Variants in PAK2 observed in about 807,000 individuals in gnomAD.
PAK2 encodes the protein serine/threonine-protein kinase PAK 2.
PAK2 carries 21 observed loss-of-function variants against 65.9 expected under a neutral mutation model. The observed-to-expected ratio is 0.32, with a 90% CI of 0.23 to 0.46. The LOEUF (loss-of-function observed/expected upper bound fraction) is 0.46. Among genes scored for constraint, PAK2 ranks in the 20% least tolerant of loss-of-function variants. PAK2 has a pLI of 1.00. For missense variants in PAK2, 324 were observed against 642.6 expected (o/e 0.50, Z 5.36); for synonymous variants, 204 against 219.7 (o/e 0.93, Z 0.63).
At chr3:196,802,399 C>G (rs1444289849) in intron 3 of PAK2, among the ~76,000 whole-genome samples, 1 of 151,370 alleles carries the variant, frequency 6.6e-6, no homozygotes, top group Non-Finnish European at 1.5e-5. Context: ...GAAACTCCGT[C>G]TCAAAAAAAG....
At chr3:196,740,470 C>T (rs1713153163) in intron 1 of PAK2, among the ~76,000 whole-genome samples, 1 of 152,196 alleles carries the variant, frequency 6.6e-6, no homozygotes, top group Non-Finnish European at 1.5e-5. Context: ...TCTCGGTCTT[C>T]CCTCCCCTCG....
At chr3:196,742,815 G>T (rs1713249812) in intron 1 of PAK2, among the ~76,000 whole-genome samples, 1 of 152,210 alleles carries the variant, frequency 6.6e-6, no homozygotes, top group South Asian at 2.1e-4. Flanking sequence ...TACTCGGGAG[G>T]CTGAGGCCGG....
At chr3:196,808,390 T>A (rs9845939) in intron 7 of PAK2, among the ~76,000 whole-genome samples, 4 of 147,286 alleles carry the variant, frequency 2.7e-5, no homozygotes, top group Non-Finnish European at 4.5e-5. Flanking sequence ...GTGAAACCCC[T>A]CCTCTACTAA....
intron 1 of PAK2, among the ~76,000 whole-genome samples, chr3:196,781,870 A>C (rs1055671749): frequency 6.6e-6 from 1 of 152,204 alleles, no homozygotes; most frequent in Non-Finnish European, 1.5e-5. Flanking sequence ...GTGGGAGGCC[A>C]AGGTGGGCGG....
intron 7 of PAK2, among the ~76,000 whole-genome samples, chr3:196,809,559 G>C (rs1306243949): frequency 6.7e-6 from 1 of 150,144 alleles, no homozygotes; most frequent in Non-Finnish European, 1.5e-5. Context: ...GGCTGGGCTG[G>C]TCTCAAACTC....
intron 1 of PAK2, among the ~76,000 whole-genome samples, chr3:196,773,023 C>G (rs1714409445): frequency 2.0e-5 from 3 of 152,152 alleles, no homozygotes; most frequent in Non-Finnish European, 4.4e-5. Flanking sequence ...TTTGGGCTGA[C>G]CGGTTCCAGA....
intron 2 of PAK2, among the ~76,000 whole-genome samples, chr3:196,786,801 T>A (rs1020007392): frequency 6.6e-6 from 1 of 151,928 alleles, no homozygotes; most frequent in Non-Finnish European, 1.5e-5. Flanking sequence ...AGTAGCACCC[T>A]GTCTTGATTA....
intron 1 of PAK2, among the ~76,000 whole-genome samples, chr3:196,751,694 T>TATATATATATAAATA (rs1211217848): frequency 2.2e-5 from 1 of 45,874 alleles, no homozygotes; most frequent in Non-Finnish European, 4.4e-5. Flanking sequence ...TATATATATA[T>TATATATATATAAATA]AATTCAGGCT....
chr3:196,797,523 G>A (rs1246444821), intron 2 of PAK2, among the ~76,000 whole-genome samples: 1 of 151,916 alleles, frequency 6.6e-6, no homozygotes, highest in Non-Finnish European at 1.5e-5. Context: ...CGAGGCCGAA[G>A]TGGGTGGATC....
chr3:196,824,735 G>A (rs4629306), intron 13 of PAK2, among the ~76,000 whole-genome samples: 86,472 of 151,642 alleles, frequency 0.57, 25,335 homozygotes, highest in African/African-American at 0.69. Context: ...AGTCCCTGCT[G>A]CTTGAAAGGC....
intron 1 of PAK2, among the ~76,000 whole-genome samples, chr3:196,746,825 A>AAG (rs1265721067): frequency 2.2e-5 from 2 of 91,028 alleles, no homozygotes; most frequent in African/African-American, 4.8e-5. Flanking sequence ...AAAAAAAAAA[A>AAG]AAAAAGGATA....
intron 1 of PAK2, among the ~76,000 whole-genome samples, chr3:196,742,099 CT>C (rs60738699): frequency 0.034 from 4,351 of 128,918 alleles, 123 homozygotes; most frequent in African/African-American, 0.12. Flanking sequence ...ATTAATATTT[CT>C]TTTTTTTTTT....
chr3:196,811,066 T>G (rs1436515556), intron 8 of PAK2, among the ~76,000 whole-genome samples: 1 of 152,040 alleles, frequency 6.6e-6, no homozygotes, highest in Non-Finnish European at 1.5e-5. Flanking sequence ...GTATACTAAC[T>G]AAACTCCTTT....
At chr3:196,808,876 A>G (rs554525168) in intron 7 of PAK2, among the ~76,000 whole-genome samples, 1 of 151,838 alleles carries the variant, frequency 6.6e-6, no homozygotes, top group African/African-American at 2.4e-5. Flanking sequence ...ATAATAATAA[A>G]TAAAATTAAC....
rs942089183 is a variant in PAK2, at chr3:196,805,450, T to A, written c.468+67T>A. 1.5e-5 allele frequency: 12 copies of A among 779,786 alleles called. No individual in the cohort carries two copies. In the African/African-American group the frequency reaches 2.0e-4, roughly 13 times the overall value. 48.3% of individuals were successfully genotyped at this position (779,786 alleles called of 1,614,324 possible). A position where few individuals can be genotyped will look rare whatever the true frequency, so the allele number is the denominator to read the frequency against. ...TAGGTTACCCAAGACAAATCTCAGT[T>A]TTTATTTTGCTTTCTAAAATAAATT... On this transcript the variant is annotated intron_variant, in intron 5 of 14. Coordinates refer to ENST00000327134, the MANE Select transcript of PAK2 (RefSeq NM_002577.4).
At chr3:196,748,128 C>G (rs1384478631) in intron 1 of PAK2, among the ~76,000 whole-genome samples, 1 of 152,084 alleles carries the variant, frequency 6.6e-6, no homozygotes, top group Non-Finnish European at 1.5e-5. Context: ...GTGTCACTCT[C>G]TTATTTCTAA....
At chr3:196,826,476 T>G (rs1212862249) in intron 13 of PAK2, among the ~76,000 whole-genome samples, 2 of 151,214 alleles carry the variant, frequency 1.3e-5, no homozygotes, top group African/African-American at 4.8e-5. Flanking sequence ...CCGGCCTTGG[T>G]TTTTTTTTGT....
intron 13 of PAK2, among the ~76,000 whole-genome samples, chr3:196,825,558 G>T (rs545087514): frequency 2.6e-5 from 4 of 151,952 alleles, no homozygotes; most frequent in Admixed American, 6.6e-5. Flanking sequence ...CAGGAGAATC[G>T]CTTGAACTCA....
intron 14 of PAK2, among the ~76,000 whole-genome samples, chr3:196,827,801 C>T (rs184637460): frequency 1.9e-4 from 29 of 152,124 alleles, no homozygotes; most frequent in Admixed American, 3.3e-4. Context: ...CTGACAAAAC[C>T]GTAATGTGCA....
Sources: gnomAD v4.1 joint callset for allele counts (sites outside exome capture counted in the v4.1 genomes callset) on GRCh38, gnomAD v4.1.1 for gene constraint, MANE v1.5 for transcripts, NCBI Gene and HGNC (gene_info 2026-07-23, HGNC 2026-07-21) for gene names.